Variants in CXADR observed in about 807,000 individuals in gnomAD.
The protein encoded by CXADR is CXADR cell adhesion molecule.
Under a neutral mutation model 40.3 loss-of-function variants are expected in CXADR, and 20 were observed. The ratio of observed to expected loss-of-function variants is 0.50; its 90% confidence interval spans 0.35 to 0.72. The LOEUF (loss-of-function observed/expected upper bound fraction) is 0.72, where lower values mean the gene tolerates loss of function less well. Among genes scored for constraint, CXADR ranks in the 30% least tolerant of loss-of-function variants. The probability of loss-of-function intolerance (pLI) is 0.01; values close to 1 mark genes in which losing one functional copy is unlikely to be tolerated. For missense variants in CXADR, 332 were observed against 449.1 expected (o/e 0.74, Z 2.36); for synonymous variants, 150 against 161.3 (o/e 0.93, Z 0.53).
At chr21:17,609,089 T>C in the CXADR span, 4 of 1,614,176 alleles carry the variant, frequency 2.5e-6, no homozygotes, top group South Asian at 4.4e-5. Flanking sequence ...CAACTTATCA[T>C]GTTTTCGAAC....
downstream of CXADR, among the ~76,000 whole-genome samples, chr21:17,571,503 G>A (rs550562338): frequency 7.9e-5 from 12 of 152,274 alleles, no homozygotes; most frequent in African/African-American, 2.6e-4. Context: ...AAATGGCAAA[G>A]CTGATTAAAC....
At position 17,569,020 on chromosome 21, in the gene CXADR, C is replaced by T; in HGVS notation, c.*3328C>T. 1.0e-6 allele frequency: 1 copy of T among 984,922 alleles called. No homozygotes were observed. Among genetic ancestry groups the T allele is most frequent in the Non-Finnish European group, 1.2e-6 (1 of 829,620 alleles). 61.0% of individuals were successfully genotyped at this position (984,922 alleles called of 1,614,324 possible). A position where few individuals can be genotyped will look rare whatever the true frequency, so the allele number is the denominator to read the frequency against. On this transcript the variant is annotated 3_prime_UTR_variant, in exon 7 of 7. Coordinates refer to ENST00000284878, the MANE Select transcript of CXADR (RefSeq NM_001338.5). Reference sequence around the variant, plus strand: ...TACTTTTTCAAATTTAAGAGTTAATCTTGGAAATTTGGAACAAGTAAAGGG... The same window carrying T: ...TACTTTTTCAAATTTAAGAGTTAATTTTGGAAATTTGGAACAAGTAAAGGG...
chr21:17,619,271 A>C, the CXADR span, among the ~76,000 whole-genome samples: 1 of 152,150 alleles, frequency 6.6e-6, no homozygotes, highest in Admixed American at 6.5e-5. Flanking sequence ...TGTAATCCCA[A>C]CACTTTGGAA....
intron 1 of CXADR, among the ~76,000 whole-genome samples, chr21:17,522,375 C>A (rs112109922): frequency 6.6e-6 from 1 of 151,930 alleles, no homozygotes; most frequent in South Asian, 2.1e-4. Context: ...TGTGAACTCC[C>A]GACCTCAGGT....
At chr21:17,590,228 AT>A (rs35390860) in intron 7 of CXADR, among the ~76,000 whole-genome samples, 32 of 146,460 alleles carry the variant, frequency 2.2e-4, no homozygotes, top group African/African-American at 4.2e-4. Context: ...GTAGCTAGGT[AT>A]TTTTTTTTTT....
intron 4 of CXADR, 71 bp from the exon 5 acceptor site, chr21:17,560,631 T>C (rs1259327736): frequency 6.8e-7 from 1 of 1,468,358 alleles, no homozygotes. Flanking sequence ...TGGAGAGGAC[T>C]ATGTTTACTA....
chr21:17,558,912 T>C, intron 3 of CXADR, 64 bp from the exon 4 acceptor site: 1 of 1,502,766 alleles, frequency 6.7e-7, no homozygotes, highest in African/African-American at 1.4e-5. Flanking sequence ...TTGTGTACAA[T>C]GCTGTATTCA....
At chr21:17,570,579 C>T (rs530155584), downstream of CXADR, among the ~76,000 whole-genome samples, 1 of 152,204 alleles carries the variant, frequency 6.6e-6, no homozygotes, top group East Asian at 1.9e-4. Context: ...TTCATAAGGC[C>T]ATTAATGCTA....
chr21:17,621,603 G>C, the CXADR span, among the ~76,000 whole-genome samples: 1 of 152,052 alleles, frequency 6.6e-6, no homozygotes, highest in Non-Finnish European at 1.5e-5. Context: ...AGGCCATGAG[G>C]GCTCCTCTCT....
At chr21:17,614,523 A>G in the CXADR span, among the ~76,000 whole-genome samples, 1 of 152,164 alleles carries the variant, frequency 6.6e-6, no homozygotes, top group Non-Finnish European at 1.5e-5. Flanking sequence ...AGAGAGGATC[A>G]TTTGACTCCA....
chr21:17,574,970 G>T (rs1260126283), downstream of CXADR, among the ~76,000 whole-genome samples: 1 of 96,412 alleles, frequency 1.0e-5, no homozygotes, highest in African/African-American at 3.9e-5. Flanking sequence ...GAAAAATATG[G>T]AATATATATA....
intron 7 of CXADR, among the ~76,000 whole-genome samples, chr21:17,576,520 A>G (rs1445433034): frequency 1.3e-5 from 2 of 152,172 alleles, no homozygotes; most frequent in East Asian, 3.8e-4. Context: ...CTTGTATTAT[A>G]CTAGTAATAT....
chr21:17,523,865 C>A (rs957934788), intron 1 of CXADR, among the ~76,000 whole-genome samples: 28 of 151,808 alleles, frequency 1.8e-4, no homozygotes, highest in South Asian at 1.2e-3. Context: ...TTTTATTTTT[C>A]TTTTTCTTTT....
chr21:17,630,464 C>A, the CXADR span, among the ~76,000 whole-genome samples: 1 of 152,192 alleles, frequency 6.6e-6, no homozygotes, highest in East Asian at 1.9e-4. Context: ...TTACATCTAA[C>A]AAAATTAATA....
At chr21:17,588,208 G>C (rs936801557) in intron 7 of CXADR, among the ~76,000 whole-genome samples, 1 of 152,138 alleles carries the variant, frequency 6.6e-6, no homozygotes, top group African/African-American at 2.4e-5. Flanking sequence ...GATTGAGTTG[G>C]CAATGCGGGC....
intron 1 of CXADR, chr21:17,530,394 A>G (rs1361284853): frequency 4.4e-6 from 2 of 455,542 alleles, no homozygotes; most frequent in African/African-American, 4.0e-5. Flanking sequence ...AAGATTATTC[A>G]TGTTGTGTAG....
the CXADR span, among the ~76,000 whole-genome samples, chr21:17,630,349 C>G: frequency 6.6e-6 from 1 of 152,206 alleles, no homozygotes; most frequent in East Asian, 1.9e-4. Flanking sequence ...TCTTTCTTTG[C>G]TAAATATTTG....
Position 17,569,349 on chromosome 21 carries a change from G to A in CXADR, c.*3657G>A. On this transcript the variant is annotated 3_prime_UTR_variant, in exon 7 of 7. Transcript: ENST00000284878. ...TTGGCACAATTTTAACTTCTTAGTG[G>A]CTTGTGACATTATATATTATATATA... 1.0e-6 allele frequency: 1 copy of A among 982,000 alleles called. No homozygotes were observed. The highest frequency in any genetic ancestry group is 1.2e-6 in the Non-Finnish European group (1 of 828,858). 60.8% of individuals were successfully genotyped at this position (982,000 alleles called of 1,614,324 possible).
chr21:17,614,042 G>T, the CXADR span: 2 of 151,318 alleles, frequency 1.3e-5, no homozygotes, highest in Non-Finnish European at 2.9e-5. Flanking sequence ...ATTCAAAATG[G>T]TAATTTTTTT....
Sources: allele counts gnomAD v4.1 joint callset (sites outside exome capture counted in the v4.1 genomes callset), GRCh38; gene constraint gnomAD v4.1.1; transcripts MANE v1.5; gene names NCBI Gene and HGNC (gene_info 2026-07-23, HGNC 2026-07-21).